The following HTT variants were observed in gnomAD, a reference collection of about 807,000 sequenced individuals.
The protein encoded by HTT is huntington disease protein.
A neutral mutation model predicts 362.3 loss-of-function variants in HTT; 104 were observed. The observed-to-expected ratio is 0.29, with a 90% CI of 0.24 to 0.34. The LOEUF (loss-of-function observed/expected upper bound fraction) is 0.34. Ranked by LOEUF, HTT falls within the 10% of genes least tolerant of loss-of-function variation. The pLI, the probability that HTT is intolerant of heterozygous loss-of-function variation, is 1.00. For synonymous variants in HTT, 1,577 were observed against 1,548.7 expected (o/e 1.02, Z -0.43); for missense variants, 3,301 against 3,928.6 (o/e 0.84, Z 4.27).
intron 26 of HTT, among the ~76,000 whole-genome samples, chr4:3,153,121 T>A (rs1221449901): frequency 3.3e-5 from 5 of 152,098 alleles, no homozygotes; most frequent in Non-Finnish European, 7.4e-5. Context: ...TTCTCACACT[T>A]CTGGAGGTTG....
At chr4:3,101,572 A>G (rs775839340) in intron 3 of HTT, among the ~76,000 whole-genome samples, 1 of 152,234 alleles carries the variant, frequency 6.6e-6, no homozygotes, top group Non-Finnish European at 1.5e-5. Context: ...CGTAGCCTTC[A>G]GGTCCTAGAC....
chr4:3,088,574 C>G (rs1195005454), intron 2 of HTT, among the ~76,000 whole-genome samples: 2 of 152,168 alleles, frequency 1.3e-5, no homozygotes, highest in African/African-American at 4.8e-5. Context: ...GTTGTACAGC[C>G]ATCACTGCCA....
chr4:3,086,892 G>A (rs754846786), intron 1 of HTT, 47 bp from the exon 2 acceptor site: 4 of 991,212 alleles, frequency 4.0e-6, no homozygotes, highest in Non-Finnish European at 4.8e-6. Context: ...ACTAAGTGGA[G>A]TGGGTAATTC....
At chr4:3,187,390 T>C (rs1303819559) in intron 38 of HTT, among the ~76,000 whole-genome samples, 1 of 151,886 alleles carries the variant, frequency 6.6e-6, no homozygotes, top group Non-Finnish European at 1.5e-5. Flanking sequence ...CTCCTGACCT[T>C]GTGATCCGCC....
intron 40 of HTT, among the ~76,000 whole-genome samples, chr4:3,197,348 A>G (rs1351462870): frequency 1.3e-5 from 2 of 151,882 alleles, no homozygotes; most frequent in African/African-American, 4.8e-5. Context: ...TTGCACTTAA[A>G]ATTGAACTAG....
chr4:3,108,067 G>A (rs1714529396), intron 6 of HTT, among the ~76,000 whole-genome samples: 1 of 152,134 alleles, frequency 6.6e-6, no homozygotes, highest in Non-Finnish European at 1.5e-5. Flanking sequence ...TTTCCTCTAG[G>A]CAAACTGCCC....
chr4:3,172,889 C>T lies in HTT; in HGVS notation c.3943-19C>T. ...GTTGTTCACGCCACATTGTTGATGCCTCATTTTTTTCACTGTAGTTGTTGA... is the reference window on the plus strand; with the variant it reads ...GTTGTTCACGCCACATTGTTGATGCTTCATTTTTTTCACTGTAGTTGTTGA... On this transcript the variant is annotated intron_variant, in intron 30 of 66. Transcript: ENST00000355072. The T allele has an allele frequency of 6.4e-7, 1 of 1,574,188 alleles. No individual in the cohort carries two copies. Among genetic ancestry groups the T allele is most frequent in the Non-Finnish European group, 8.7e-7 (1 of 1,143,544 alleles).
chr4:3,130,101 A>G, intron 13 of HTT, 54 bp downstream of exon 13: 1 of 1,497,720 alleles, frequency 6.7e-7, no homozygotes, highest in South Asian at 1.3e-5. Context: ...AGACCTGGAC[A>G]TCTTAATTAT....
intron 11 of HTT, 75 bp downstream of exon 11, chr4:3,125,704 C>A: frequency 9.3e-7 from 1 of 1,078,958 alleles, no homozygotes; most frequent in Non-Finnish European, 1.4e-6. Context: ...CTGCTCGTCC[C>A]CCTGCACCTG....
chr4:3,197,187 C>G (rs1719293114), intron 40 of HTT, among the ~76,000 whole-genome samples: 1 of 152,078 alleles, frequency 6.6e-6, no homozygotes, highest in Non-Finnish European at 1.5e-5. Context: ...TTACTGTTTT[C>G]TCTGTGTTTC....
At chr4:3,203,620 G>A (rs1178240562) in intron 41 of HTT, among the ~76,000 whole-genome samples, 1 of 152,236 alleles carries the variant, frequency 6.6e-6, no homozygotes, top group South Asian at 2.1e-4. Flanking sequence ...TGAAAGCAGG[G>A]AGGTTTTCAT....
intron 16 of HTT, among the ~76,000 whole-genome samples, chr4:3,132,163 A>G (rs564312173): frequency 1.3e-5 from 2 of 152,354 alleles, no homozygotes; most frequent in East Asian, 1.9e-4. Context: ...CATCGCGCCC[A>G]TGCTTACTAT....
At position 3,228,484 on chromosome 4, in the gene HTT, G is replaced by A; in HGVS notation, c.7849-131G>A. On this transcript the variant is annotated intron_variant, in intron 57 of 66. Transcript: ENST00000355072. The surrounding 1 kb of genome is among the most constrained non-coding windows in gnomAD (Gnocchi z 4.3). ...GGCTCCCTTGCCCGTAACCTGGGGT[G>A]TCTGAACGACCCTTGCTAAGGGGCA... 1 of 1,046,370 alleles carries A rather than the reference G, an allele frequency of 9.6e-7. No homozygotes were observed. Among genetic ancestry groups the A allele is most frequent in the Non-Finnish European group, 1.3e-6 (1 of 750,934 alleles). The allele number at this position is 1,046,370 out of a possible 1,614,324, so 64.8% of individuals were successfully genotyped here.
At position 3,148,081 on chromosome 4, in the gene HTT, G is replaced by A. The variant is rs764804475; in HGVS notation, c.3372G>A (p.Glu1124=). ...EANPAATKQE[E]VWPALGDRAL... The stretch of plus-strand genomic sequence containing the variant: ...ACCCAGCAGCCACCAAGCAAGAGGA[G>A]GTCTGGCCAGCCCTGGGGGACCGGG... Residue 1124 remains glutamate (E), a synonymous_variant, in exon 26 of 67, where the codon GAG becomes GAA. Transcript: ENST00000355072. 1 of 1,614,134 alleles carries A rather than the reference G, an allele frequency of 6.2e-7. No individual in the cohort carries two copies. Among genetic ancestry groups the A allele is most frequent in the South Asian group, 1.1e-5 (1 of 91,074 alleles).
At chr4:3,150,713 C>T (rs1431134173) in intron 26 of HTT, among the ~76,000 whole-genome samples, 1 of 152,194 alleles carries the variant, frequency 6.6e-6, no homozygotes, top group Non-Finnish European at 1.5e-5. Context: ...TATACATGCA[C>T]ATATGCAGGG....
intron 41 of HTT, among the ~76,000 whole-genome samples, chr4:3,201,376 A>G (rs1161086413): frequency 6.6e-6 from 1 of 152,128 alleles, no homozygotes; most frequent in African/African-American, 2.4e-5. Flanking sequence ...TGAAAATAAC[A>G]AAAATTAGCC....
At chr4:3,172,087 A>C (rs1055655562) in intron 29 of HTT, among the ~76,000 whole-genome samples, 2 of 152,238 alleles carry the variant, frequency 1.3e-5, no homozygotes, top group Non-Finnish European at 2.9e-5. Flanking sequence ...TGAATTAATG[A>C]GTGAATGAAC....
At chr4:3,084,127 GA>G (rs1311499987) in intron 1 of HTT, among the ~76,000 whole-genome samples, 3 of 151,110 alleles carry the variant, frequency 2.0e-5, no homozygotes, top group African/African-American at 7.3e-5. Flanking sequence ...GCAGAGGAGA[GA>G]AAAGAGAGGG....
chr4:3,136,917 A>ATTTTT, intron 21 of HTT, among the ~76,000 whole-genome samples: 1 of 147,358 alleles, frequency 6.8e-6, no homozygotes, highest in Non-Finnish European at 1.5e-5. Flanking sequence ...CCGGCTTTGA[A>ATTTTT]TTTTTTTTTT....
Sources: gnomAD v4.1 joint callset for allele counts (sites outside exome capture counted in the v4.1 genomes callset) on GRCh38, gnomAD v4.1.1 for gene constraint, Gnocchi (gnomAD v3.1) non-coding constraint, MANE v1.5 for transcripts, NCBI Gene and HGNC (gene_info 2026-07-23, HGNC 2026-07-21) for gene names.